MUC5B: variants seen among roughly 807,000 people sequenced by gnomAD.
The protein encoded by MUC5B is mucin 5B, oligomeric mucus/gel-forming.
In MUC5B, 116 loss-of-function variants were observed where a neutral mutation model predicts 376.9. The observed-to-expected ratio is 0.31, with a 90% confidence interval of 0.26 to 0.36. The LOEUF (loss-of-function observed/expected upper bound fraction) is 0.36, where lower values mean the gene tolerates loss of function less well. Among genes scored for constraint, MUC5B ranks in the 10% least tolerant of loss-of-function variants. MUC5B has a pLI of 1.00. For synonymous variants in MUC5B, 3,517 were observed against 3,390.9 expected (o/e 1.04, Z -1.29); for missense variants, 7,165 against 7,769.9 (o/e 0.92, Z 2.93).
Position 1,249,674 on chromosome 11 carries a change from C to G in MUC5B, c.12794C>G (p.Ser4265Cys). The G allele has an allele frequency of 6.2e-7, 1 of 1,610,836 alleles. No homozygotes were observed. Among genetic ancestry groups the G allele is most frequent in the South Asian group, 1.1e-5 (1 of 91,014 alleles). The change falls in exon 31 of 49, where the codon TCC becomes TGC. Residue 4265 changes from serine to cysteine, a missense_variant. Coordinates refer to ENST00000529681, the MANE Select transcript of MUC5B (RefSeq NM_002458.3). ...TTATTTASTG[S>C]TATPSSTPGT... ...GCCACTACGACTGCATCCACTGGATCCACGGCCACCCCGTCCTCCACCCCG... is the reference window on the plus strand; with the variant it reads ...GCCACTACGACTGCATCCACTGGATGCACGGCCACCCCGTCCTCCACCCCG...
In MUC5B at chr11:1,244,849, C is replaced by G. The variant is rs752509410; in HGVS notation, c.7969C>G (p.His2657Asp). 4.3e-6 allele frequency: 7 copies of G among 1,613,568 alleles called. No homozygotes were observed. The African/African-American group carries it at 9.4e-5, about 22-fold the overall frequency. The change falls in exon 31 of 49, where the codon CAC (histidine) becomes GAC (aspartate). Residue 2657 changes from histidine (H) to aspartate (D), a missense_variant. By Grantham distance (81) the His-to-Asp change is moderately conservative. Coordinates refer to ENST00000529681, the MANE Select transcript of MUC5B (RefSeq NM_002458.3). ...VTPSSIPGTT[H>D]TPTVLTTTTT... ...CCCCTCCTCCATCCCGGGGACCACCCACACCCCCACAGTGCTGACCACCAC... is the reference window on the plus strand; with the variant it reads ...CCCCTCCTCCATCCCGGGGACCACCGACACCCCCACAGTGCTGACCACCAC...
chr11:1,247,226 A>T lies in MUC5B; in HGVS notation c.10346A>T (p.Asn3449Ile). 6.2e-7 allele frequency: 1 copy of T among 1,606,318 alleles called. No homozygotes were observed. Among genetic ancestry groups the T allele is most frequent in the South Asian group, 1.1e-5 (1 of 90,878 alleles). Residue 3449 changes from asparagine to isoleucine, a missense_variant, in exon 31 of 49, where the codon AAC becomes ATC. Transcript: ENST00000529681. ...ACCACCCACACACCCCCAGTGCCGA[A>T]CACCACGGCCACCACACACGGGCGG... ...LGTTHTPPVP[N>I]TTATTHGRSL...
chr11:1,248,655 T>A lies in MUC5B; in HGVS notation c.11775T>A (p.Thr3925=), dbSNP rs372958067. The change falls in exon 31 of 49, where the codon ACT becomes ACA. Residue 3925 remains threonine (T), a synonymous_variant. Coordinates refer to ENST00000529681, the MANE Select transcript of MUC5B (RefSeq NM_002458.3). ...CAGTGCTGACCACCACCACCACAACTGTGGCCACTGGTTCTATGGCAACAC... is the reference window on the plus strand; with the variant it reads ...CAGTGCTGACCACCACCACCACAACAGTGGCCACTGGTTCTATGGCAACAC... ...TPTVLTTTTT[T]VATGSMATPS... 1.3e-6 allele frequency: 2 copies of A among 1,598,194 alleles called. No individual in the cohort carries two copies. The highest frequency in any genetic ancestry group is 1.7e-6 in the Non-Finnish European group (2 of 1,175,152).
chr11:1,242,254 G>C lies in MUC5B; in HGVS notation c.5374G>C (p.Glu1792Gln), dbSNP rs1283724460. The part of the protein sequence containing the change: ...TRCQPKCEWT[E>Q]WFDVDFPTSG... Reference sequence around the variant, plus strand: ...CTGTCAACCGAAGTGTGAGTGGACAGAGTGGTTTGACGTGGACTTCCCAAC... The same window carrying C: ...CTGTCAACCGAAGTGTGAGTGGACACAGTGGTTTGACGTGGACTTCCCAAC... Residue 1792 changes from glutamate to glutamine, a missense_variant, in exon 31 of 49, where the codon GAG becomes CAG. Around this residue, in one of 31 missense-constraint regions of MUC5B, gnomAD observed 897 missense variants for 779.6 expected, o/e 1.15. Transcript: ENST00000529681. 6.2e-7 allele frequency: 1 copy of C among 1,613,724 alleles called. No individual in the cohort carries two copies. The highest frequency in any genetic ancestry group is 1.3e-5 in the African/African-American group (1 of 74,938).
At chr11:1,223,502 A>T in intron 1 of MUC5B, 70 of 393,076 alleles carry the variant, frequency 1.8e-4, no homozygotes, top group Non-Finnish European at 2.5e-4. Context: ...GGAGTGGGCA[A>T]TGGGGGAGGG....
rs1177958169 is a variant in MUC5B at position 1,246,003 on chromosome 11, C to T, written c.9123C>T (p.Ser3041=). Reference sequence around the variant, plus strand: ...CAGCCACCAGTTCCAAAGCCACTTCCTCCTCCAGTCCAAGGACTGCAACCA... The same window carrying T: ...CAGCCACCAGTTCCAAAGCCACTTCTTCCTCCAGTCCAAGGACTGCAACCA... The part of the protein sequence containing the change: ...TPTATSSKAT[S]SSSPRTATTL... Residue 3041 remains serine, a synonymous_variant, in exon 31 of 49, where the codon TCC becomes TCT. Coordinates refer to ENST00000529681, the MANE Select transcript of MUC5B (RefSeq NM_002458.3). The T allele has an allele frequency of 6.2e-7, 1 of 1,612,898 alleles. No individual in the cohort carries two copies. Among genetic ancestry groups the T allele is most frequent in the African/African-American group, 1.3e-5 (1 of 74,496 alleles).
In MUC5B at chr11:1,233,343, T is replaced by C. The variant is rs992205498; in HGVS notation, c.2321+75T>C. On this transcript the variant is annotated intron_variant, in intron 18 of 48. Transcript: ENST00000529681. ...TTCCCGCCCTCCCCGAAGGCTTCTG[T>C]GCCTCCCCCCGAGGGTTCTGAGACA... 39 of 1,424,158 alleles carry C rather than the reference T, an allele frequency of 2.7e-5. No individual in the cohort carries two copies. The African/African-American group carries it at 4.7e-4, about 17-fold the overall frequency. The allele number at this position is 1,424,158 out of a possible 1,614,324, so 88.2% of individuals were successfully genotyped here.
In MUC5B at chr11:1,244,287, C is replaced by G; in HGVS notation, c.7407C>G (p.Ser2469Arg). ...PGTTWILTEP[S>R]TTATVTVPTG... is the part of the protein sequence containing the mutation. ...CCACCTGGATCCTCACAGAGCCGAG[C>G]ACTACAGCCACCGTGACGGTGCCCA... Residue 2469 changes from serine (S) to arginine (R), a missense_variant, in exon 31 of 49, where the codon AGC becomes AGG. Transcript: ENST00000529681. The G allele has an allele frequency of 1.2e-6, 2 of 1,607,630 alleles. No individual in the cohort carries two copies. Among genetic ancestry groups the G allele is most frequent in the Non-Finnish European group, 1.7e-6 (2 of 1,177,484 alleles).
chr11:1,235,009 C>A, intron 21 of MUC5B, 76 bp from the exon 22 acceptor site: 1 of 1,525,992 alleles, frequency 6.6e-7, no homozygotes. Context: ...CTGACCTGCA[C>A]AGGCCTGGGT....
In MUC5B at chr11:1,258,092, C is replaced by T. The variant is rs762521620; in HGVS notation, c.16451-7C>T. 6.4e-7 allele frequency: 1 copy of T among 1,572,510 alleles called. No homozygotes were observed. The highest frequency in any genetic ancestry group is 1.3e-5 in the African/African-American group (1 of 74,176). On this transcript the variant is annotated splice_polypyrimidine_tract_variant and splice_region_variant and intron_variant, in intron 41 of 48. Transcript: ENST00000529681. This position sits in a 1 kb window ranked among gnomAD's most constrained non-coding sequence, Gnocchi z 5.5. ...GCGCCCAGACAGTGGCCTCCATCCT[C>T]CCGCAGTGTGCAACACAACCACCTG...
At chr11:1,254,414 C>A in intron 34 of MUC5B, 63 bp downstream of exon 34, 4 of 1,574,790 alleles carry the variant, frequency 2.5e-6, no homozygotes, top group Non-Finnish European at 8.6e-7. Context: ...GGCAGGCCGA[C>A]TGCAGGCCGG....
At chr11:1,236,238 C>T (rs111882492) in intron 23 of MUC5B, 148 bp from the exon 24 acceptor site, 13 of 687,560 alleles carry the variant, frequency 1.9e-5, no homozygotes, top group African/African-American at 1.6e-4. Context: ...CGCTGAGGGT[C>T]TCACGGACCC....
Position 1,257,729 on chromosome 11 carries a change from G to C in MUC5B, c.16450+19G>C. The C allele has an allele frequency of 6.5e-7, 1 of 1,529,786 alleles. No individual in the cohort carries two copies. Among genetic ancestry groups the C allele is most frequent in the Non-Finnish European group, 8.8e-7 (1 of 1,142,368 alleles). The allele number at this position is 1,529,786 out of a possible 1,614,324, so 94.8% of individuals were successfully genotyped here. ...GTGTGCGGTAAGACGCTGCAGAGCA[G>C]AGGTGCCCGGCATAGGGTGAGGGGG... On this transcript the variant is annotated intron_variant, in intron 41 of 48. Coordinates refer to ENST00000529681, the MANE Select transcript of MUC5B (RefSeq NM_002458.3). This position sits in a 1 kb window ranked among gnomAD's most constrained non-coding sequence, Gnocchi z 8.9.
rs1362191649 is a variant in MUC5B, at chr11:1,256,915, G to C, written c.16237+144G>C. Reference sequence around the variant, plus strand: ...CCTGTTCTGCCCCACCAGAGCATGGGATGGCCCCAGAGTGGCCCTGAACCC... The same window carrying C: ...CCTGTTCTGCCCCACCAGAGCATGGCATGGCCCCAGAGTGGCCCTGAACCC... On this transcript the variant is annotated intron_variant, in intron 39 of 48. Coordinates refer to ENST00000529681, the MANE Select transcript of MUC5B (RefSeq NM_002458.3). 7.5e-6 allele frequency: 5 copies of C among 666,806 alleles called. No homozygotes were observed. In the African/African-American group the frequency reaches 9.1e-5, roughly 12 times the overall value. The allele number at this position is 666,806 out of a possible 1,614,324, so 41.3% of individuals were successfully genotyped here. A position where few individuals can be genotyped will look rare whatever the true frequency, so the allele number is the denominator to read the frequency against.
chr11:1,237,113 G>T lies in MUC5B; in HGVS notation c.3246G>T (p.Gln1082His). Residue 1082 changes from glutamine (Q) to histidine (H), a missense_variant, in exon 25 of 49, where the codon CAG becomes CAT. By Grantham distance (24) the Gln-to-His change is conservative. This residue lies in a region of MUC5B where 143 missense variants were observed against 193.2 expected (regional missense o/e 0.74). Transcript: ENST00000529681. ...ACCCCTTCCGCAAGTCCTGGGCCCAGAAGCAGTGCAGCATCCTCCACGGCC... is the reference window on the plus strand; with the variant it reads ...ACCCCTTCCGCAAGTCCTGGGCCCATAAGCAGTGCAGCATCCTCCACGGCC... ...TANPFRKSWA[Q>H]KQCSILHGPT... 6.5e-7 allele frequency: 1 copy of T among 1,541,806 alleles called. No individual in the cohort carries two copies.
In MUC5B at chr11:1,234,688, G is replaced by A. The variant is rs1052154269; in HGVS notation, c.2630+8G>A. 6.2e-6 allele frequency: 9 copies of A among 1,462,536 alleles called. No individual in the cohort carries two copies. Among genetic ancestry groups the A allele is most frequent in the Admixed American group, 4.2e-5 (2 of 47,074 alleles). The allele number at this position is 1,462,536 out of a possible 1,614,324, so 90.6% of individuals were successfully genotyped here. A position where few individuals can be genotyped will look rare whatever the true frequency, so the allele number is the denominator to read the frequency against. On this transcript the variant is annotated splice_region_variant and intron_variant, in intron 21 of 48. Coordinates refer to ENST00000529681, the MANE Select transcript of MUC5B (RefSeq NM_002458.3). The surrounding 1 kb of genome is among the most constrained non-coding windows in gnomAD (Gnocchi z 6.3). ...GGTCGACTGCAACACCTGGTGGGTC[G>A]TGAGTCTCTCGGAGGCAGCAGGTGG... is the stretch of plus-strand genomic sequence containing the variant.
Position 1,246,887 on chromosome 11 carries a change from C to T in MUC5B, c.10007C>T (p.Thr3336Ile), listed in dbSNP as rs928274686. 1.9e-6 allele frequency: 3 copies of T among 1,610,262 alleles called. No homozygotes were observed. The highest frequency in any genetic ancestry group is 1.9e-4 in the Middle Eastern group (1 of 5,156). Residue 3336 changes from threonine to isoleucine, a missense_variant, in exon 31 of 49, where the codon ACA (threonine) becomes ATA (isoleucine). By Grantham distance (89) the Thr-to-Ile change is moderately conservative. This residue lies in a region of MUC5B where 939 missense variants were observed against 770.6 expected (regional missense o/e 1.22). Coordinates refer to ENST00000529681, the MANE Select transcript of MUC5B (RefSeq NM_002458.3). ...CTCACGCCTCCAGTGTGGATCAGCA[C>T]AACCACCACACCCACAACCAGAGGC... ...TALTPPVWIS[T>I]TTTPTTRGST...
In MUC5B at chr11:1,248,744, C is replaced by G. The variant is rs575616571; in HGVS notation, c.11864C>G (p.Thr3955Arg). 9.0e-6 allele frequency: 14 copies of G among 1,555,920 alleles called. No individual in the cohort carries two copies. The highest frequency in any genetic ancestry group is 1.1e-5 in the Non-Finnish European group (13 of 1,149,608). Reference protein sequence around the residue: ...PSLITTATTITATGSTTNPSS... With the variant: ...PSLITTATTIRATGSTTNPSS... ...CTGATCACCACGGCCACTACGATCA[C>G]GGCCACCGGCTCCACCACCAACCCC... The change falls in exon 31 of 49, where the codon ACG becomes AGG. Residue 3955 changes from threonine (T) to arginine (R), a missense_variant. Around this residue, in one of 31 missense-constraint regions of MUC5B, gnomAD observed 242 missense variants for 199.0 expected, o/e 1.22. Coordinates refer to ENST00000529681, the MANE Select transcript of MUC5B (RefSeq NM_002458.3).
Position 1,234,720 on chromosome 11 carries a change from CG to C in MUC5B, c.2630+45del. 2.1e-5 allele frequency: 1 copy of C among 48,756 alleles called. No homozygotes were observed. Among genetic ancestry groups the C allele is most frequent in the Non-Finnish European group, 3.4e-5 (1 of 29,014 alleles). The allele number at this position is 48,756 out of a possible 1,614,324, so 3.0% of individuals were successfully genotyped here. On this transcript the variant is annotated intron_variant, in intron 21 of 48. Transcript: ENST00000529681. This position sits in a 1 kb window ranked among gnomAD's most constrained non-coding sequence, Gnocchi z 6.3. ...TCTCGGAGGCAGCAGGTGGGGAGGG[CG>C]GGGGCGGGGAGGGCAGCGGGTGGGG... is the stretch of plus-strand genomic sequence containing the variant.
Sources: gnomAD v4.1 joint callset for allele counts on GRCh38, gnomAD v4.1.1 for gene constraint, gnomAD v4.1.1 regional missense constraint, Gnocchi (gnomAD v3.1) non-coding constraint, MANE v1.5 for transcripts, NCBI Gene and HGNC (gene_info 2026-07-23, HGNC 2026-07-21) for gene names.